Variants in HAO1 observed in about 807,000 individuals in gnomAD.
HAO1 encodes the protein hydroxyacid oxidase 1.
A neutral mutation model predicts 39.7 loss-of-function variants in HAO1; 34 were observed. The observed-to-expected ratio is 0.86, with a 90% CI of 0.65 to 1.14. The LOEUF (loss-of-function observed/expected upper bound fraction) is 1.14, where lower values mean the gene tolerates loss of function less well. HAO1 is among the 50% of genes most tolerant of loss of function. The pLI is 0.00. For synonymous variants in HAO1, 172 were observed against 173.2 expected, an observed-to-expected ratio of 0.99 and a Z score of 0.05; for missense variants, 479 against 464.5, an observed-to-expected ratio of 1.03 and a Z score of -0.29.
intron 3 of HAO1, among the ~76,000 whole-genome samples, chr20:7,907,012 C>A (rs776238421): frequency 6.6e-6 from 1 of 152,122 alleles, no homozygotes; most frequent in Admixed American, 6.5e-5. Context: ...AGGTTGGAAC[C>A]GCAGTAACAG....
intron 4 of HAO1, among the ~76,000 whole-genome samples, chr20:7,903,357 A>C (rs534654978): frequency 6.6e-6 from 1 of 151,956 alleles, no homozygotes; most frequent in South Asian, 2.1e-4. Context: ...AGTTCAGTAA[A>C]TAAATATTTG....
intron 2 of HAO1, among the ~76,000 whole-genome samples, chr20:7,923,555 C>T (rs1306915069): frequency 6.6e-6 from 1 of 152,118 alleles, no homozygotes; most frequent in African/African-American, 2.4e-5. Context: ...TCATTCTGAA[C>T]TTAATAGGCT....
chr20:7,940,442 C>T lies in HAO1; in HGVS notation c.-20G>A, dbSNP rs2050436071. ...GAGCATTTTCACAGGTTATTGCTATCCCAGATGGAGTTCGTTGTTTTTTTT... is the reference window on the plus strand; with the variant it reads ...GAGCATTTTCACAGGTTATTGCTATTCCAGATGGAGTTCGTTGTTTTTTTT... On this transcript the variant is annotated 5_prime_UTR_variant, in exon 1 of 8. Coordinates refer to ENST00000378789, the MANE Select transcript of HAO1 (RefSeq NM_017545.3). The T allele has an allele frequency of 1.3e-6, 2 of 1,578,638 alleles. No homozygotes were observed. The highest frequency in any genetic ancestry group is 4.5e-5 in the East Asian group (2 of 44,448).
At chr20:7,885,442 A>C in intron 7 of HAO1, 79 bp downstream of exon 7, 1 of 921,920 alleles carries the variant, frequency 1.1e-6, no homozygotes, top group Non-Finnish European at 1.8e-6. Flanking sequence ...CTTCCCTTTC[A>C]AATTCACTTC....
intron 4 of HAO1, among the ~76,000 whole-genome samples, chr20:7,897,731 C>A (rs966129165): frequency 6.6e-6 from 1 of 151,788 alleles, no homozygotes; most frequent in African/African-American, 2.4e-5. Flanking sequence ...TTTTAAAATT[C>A]TTTTTCTTGT....
chr20:7,914,352 C>A lies in HAO1; in HGVS notation c.357G>T (p.Ala119=). Reference sequence around the variant, plus strand: ...AACGAAGTGCCTCAGGACCAGCTTCCGCCACTTCTTCAATTGAGGAGGTGG... The same window carrying A: ...AACGAAGTGCCTCAGGACCAGCTTCAGCCACTTCTTCAATTGAGGAGGTGG... ...SWATSSIEEV[A]EAGPEALRWL... is the part of the protein sequence containing the mutation. Residue 119 remains alanine, a synonymous_variant, in exon 3 of 8, where the codon GCG becomes GCT. Coordinates refer to ENST00000378789, the MANE Select transcript of HAO1 (RefSeq NM_017545.3). The A allele has an allele frequency of 1.2e-6, 2 of 1,613,918 alleles. No individual in the cohort carries two copies. The highest frequency in any genetic ancestry group is 1.7e-6 in the Non-Finnish European group (2 of 1,179,922).
At chr20:7,895,451 A>G (rs1389208042) in intron 4 of HAO1, among the ~76,000 whole-genome samples, 1 of 152,202 alleles carries the variant, frequency 6.6e-6, no homozygotes, top group African/African-American at 2.4e-5. Context: ...TTAATTGTAA[A>G]ATATACAAAA....
chr20:7,884,492 A>G (rs1056447057), intron 7 of HAO1, among the ~76,000 whole-genome samples: 3 of 152,228 alleles, frequency 2.0e-5, no homozygotes, highest in Non-Finnish European at 2.9e-5. Context: ...AAACACAGTA[A>G]TCAGGATAGG....
rs2050147270 is a variant in HAO1, at chr20:7,885,592, T to G, written c.973-2A>C. The G allele has an allele frequency of 6.2e-7, 1 of 1,607,654 alleles. No homozygotes were observed. The highest frequency in any genetic ancestry group is 1.3e-5 in the African/African-American group (1 of 74,748). ...GACATCTTGAACACCTTTCTCCCCC[T>G]AACCAAGTGAAAAGATACAGAGTGA... On this transcript the variant is annotated splice_acceptor_variant, in intron 6 of 7. Coordinates refer to ENST00000378789, the MANE Select transcript of HAO1 (RefSeq NM_017545.3). LOFTEE classifies it high-confidence loss of function.
intron 1 of HAO1, among the ~76,000 whole-genome samples, chr20:7,937,404 A>G (rs971311374): frequency 6.6e-6 from 1 of 152,062 alleles, no homozygotes; most frequent in Non-Finnish European, 1.5e-5. Flanking sequence ...TTATTCACCT[A>G]TTGTGGATAC....
At chr20:7,938,006 T>G (rs1325159904) in intron 1 of HAO1, among the ~76,000 whole-genome samples, 1 of 152,198 alleles carries the variant, frequency 6.6e-6, no homozygotes, top group Non-Finnish European at 1.5e-5. Context: ...AAATAAAAGC[T>G]GTCACGGTGA....
In HAO1 at chr20:7,914,284, T is replaced by C. The variant is rs758226934; in HGVS notation, c.425A>G (p.Lys142Arg). The C allele has an allele frequency of 6.2e-7, 1 of 1,614,032 alleles. No individual in the cohort carries two copies. The highest frequency in any genetic ancestry group is 8.5e-7 in the Non-Finnish European group (1 of 1,179,970). Residue 142 changes from lysine to arginine, a missense_variant, in exon 3 of 8, where the codon AAG becomes AGG. Coordinates refer to ENST00000378789, the MANE Select transcript of HAO1 (RefSeq NM_017545.3). ...CATCTTCTCTGCCTGCCGCACTAGCTTCTTGGTGACTTCTCGGTCCTTGTA... is the reference window on the plus strand; with the variant it reads ...CATCTTCTCTGCCTGCCGCACTAGCCTCTTGGTGACTTCTCGGTCCTTGTA... ...YIYKDREVTK[K>R]LVRQAEKMGY...
At chr20:7,895,285 G>A in intron 4 of HAO1, 61 bp from the exon 5 acceptor site, 1 of 1,038,846 alleles carries the variant, frequency 9.6e-7, no homozygotes, top group Non-Finnish European at 1.5e-6. Flanking sequence ...CTTGGGTTTA[G>A]AGGCCTCCAC....
Position 7,923,560 on chromosome 20 carries a change from T to C in HAO1, c.290-9141A>G, listed in dbSNP as rs556315130. Among the ~76,000 whole-genome samples the C allele has an allele frequency of 6.6e-5, 10 of 152,290 alleles. No homozygotes were observed. The South Asian group carries it at 1.2e-3, about 19-fold the overall frequency. On this transcript the variant is annotated intron_variant, in intron 2 of 7. Transcript: ENST00000378789. Reference sequence around the variant, plus strand: ...TTTCAGGCAGTCATTCTGAACTTAATAGGCTCTCAGAAGACCTTGAGGGTC... The same window carrying C: ...TTTCAGGCAGTCATTCTGAACTTAACAGGCTCTCAGAAGACCTTGAGGGTC...
intron 1 of HAO1, among the ~76,000 whole-genome samples, chr20:7,935,806 T>C (rs2050407362): frequency 6.6e-6 from 1 of 152,314 alleles, no homozygotes; most frequent in South Asian, 2.1e-4. Context: ...GATTTATTAT[T>C]CTCATTAGTA....
chr20:7,894,414 G>A (rs1446009329), intron 5 of HAO1, among the ~76,000 whole-genome samples: 1 of 152,064 alleles, frequency 6.6e-6, no homozygotes, highest in African/African-American at 2.4e-5. Context: ...AACCAAAGAT[G>A]CACATTGGAA....
intron 3 of HAO1, among the ~76,000 whole-genome samples, chr20:7,909,645 G>C (rs569898323): frequency 6.6e-6 from 1 of 151,546 alleles, no homozygotes; most frequent in East Asian, 1.9e-4. Flanking sequence ...CATAAAAATA[G>C]TAACAACTGC....
chr20:7,883,141 CAAAGTTG>C lies in HAO1; in HGVS notation c.*445_*451del, dbSNP rs531378360. On this transcript the variant is annotated 3_prime_UTR_variant, in exon 8 of 8. Transcript: ENST00000378789. ...CCAATTCTCTCCAGTGCTACCTTCTCAAAGTTGTGAATCAGGCATTACCAACACTTTG... is the reference window on the plus strand; with the variant it reads ...CCAATTCTCTCCAGTGCTACCTTCTCTGAATCAGGCATTACCAACACTTTG... 9.1e-4 allele frequency: 149 copies of C among 163,978 alleles called. 1 individual carries two copies. The highest frequency in any genetic ancestry group is 3.5e-3 in the African/African-American group (145 of 41,826). 10.2% of individuals were successfully genotyped at this position (163,978 alleles called of 1,614,324 possible).
At chr20:7,900,603 T>C (rs1284188328) in intron 4 of HAO1, among the ~76,000 whole-genome samples, 1 of 152,126 alleles carries the variant, frequency 6.6e-6, no homozygotes, top group Non-Finnish European at 1.5e-5. Context: ...GCCTTTAAAA[T>C]GAGGAACTTA....
Sources: allele counts gnomAD v4.1 joint callset (sites outside exome capture counted in the v4.1 genomes callset), GRCh38; gene constraint gnomAD v4.1.1; transcripts MANE v1.5; gene names NCBI Gene and HGNC (gene_info 2026-07-23, HGNC 2026-07-21).